The following TSNARE1 variants were observed in gnomAD, a reference collection of about 807,000 sequenced individuals.
TSNARE1 encodes the protein t-SNARE domain containing 1.
A neutral mutation model predicts 62.0 loss-of-function variants in TSNARE1; 49 were observed. That is an observed-to-expected ratio of 0.79 (90% CI 0.63 to 1.00). The LOEUF (loss-of-function observed/expected upper bound fraction) is 1.00, where lower values mean the gene tolerates loss of function less well. Ranked by LOEUF, TSNARE1 falls within the 50% of genes least tolerant of loss-of-function variation. TSNARE1 has a pLI of 0.00. For synonymous variants in TSNARE1, 328 were observed against 294.4 expected (o/e 1.11, Z -1.17); for missense variants, 755 against 700.1 (o/e 1.08, Z -0.88).
chr8:142,372,737 C>G (rs1364246854), intron 1 of TSNARE1, among the ~76,000 whole-genome samples: 1 of 152,174 alleles, frequency 6.6e-6, no homozygotes, highest in Non-Finnish European at 1.5e-5. Flanking sequence ...AGAAGGCCAC[C>G]CCACCAGTGC....
chr8:142,315,082 A>T lies in TSNARE1; in HGVS notation c.995T>A (p.Leu332Gln), dbSNP rs748367548. The change falls in exon 8 of 14, where the codon CTG becomes CAG. Residue 332 changes from leucine (L) to glutamine (Q), a missense_variant. Coordinates refer to ENST00000524325, the MANE Select transcript of TSNARE1 (RefSeq NM_145003.5). ...GTCCAGCTGAGGACGCTCCTGCTGC[A>T]GACGCTCCTGCTGCAGAGAAGGTAC... ...LLRSSCPQER[L>Q]QQERPQLDRL... is the part of the protein sequence containing the mutation. 6.2e-7 allele frequency: 1 copy of T among 1,613,808 alleles called. No homozygotes were observed. Among genetic ancestry groups the T allele is most frequent in the Admixed American group, 1.7e-5 (1 of 59,996 alleles).
intron 11 of TSNARE1, 100 bp downstream of exon 11, chr8:142,284,313 G>C (rs566619063): frequency 1.1e-6 from 1 of 922,302 alleles, no homozygotes; most frequent in Non-Finnish European, 1.7e-6. Context: ...GCTCCTCTTA[G>C]AGGCCCCTTC....
chr8:142,270,967 G>C, intron 12 of TSNARE1: 1 of 985,524 alleles, frequency 1.0e-6, no homozygotes, highest in Non-Finnish European at 1.2e-6. Context: ...TCCTGGACTG[G>C]AGTTGTCCCG....
At chr8:142,321,588 C>A (rs1490269356) in intron 6 of TSNARE1, among the ~76,000 whole-genome samples, 1 of 152,036 alleles carries the variant, frequency 6.6e-6, no homozygotes, top group Non-Finnish European at 1.5e-5. Flanking sequence ...GGGAAAAAAA[C>A]CACACTTGCA....
intron 12 of TSNARE1, among the ~76,000 whole-genome samples, chr8:142,259,698 G>A (rs1291126041): frequency 1.3e-5 from 2 of 152,152 alleles, no homozygotes; most frequent in African/African-American, 4.8e-5. Flanking sequence ...GCCTCTTACA[G>A]GGCTGCCACC....
rs62513770 is a variant in TSNARE1 at position 142,319,873 on chromosome 8, C to T, written c.894-1239G>A. ...AGCCATAAGGTTACTACAGACTAGG[C>T]GGGAAGCGCGGGGACAGGAGCTTTC... On this transcript the variant is annotated intron_variant, in intron 6 of 13. Coordinates refer to ENST00000524325, the MANE Select transcript of TSNARE1 (RefSeq NM_145003.5). This position sits in a 1 kb window ranked among gnomAD's most constrained non-coding sequence, Gnocchi z 4.9. Among the ~76,000 whole-genome samples the T allele has an allele frequency of 0.016, 2,363 of 152,268 alleles. 33 individuals carry two copies. Among genetic ancestry groups the T allele is most frequent in the Non-Finnish European group, 0.024 (1,647 of 67,998 alleles).
At chr8:142,379,340 G>A (rs1836566323) in intron 1 of TSNARE1, among the ~76,000 whole-genome samples, 1 of 152,294 alleles carries the variant, frequency 6.6e-6, no homozygotes, top group Non-Finnish European at 1.5e-5. Context: ...CGCCCTCCCA[G>A]TGAGCAGCAG....
At chr8:142,380,740 A>C (rs1836679332) in intron 1 of TSNARE1, among the ~76,000 whole-genome samples, 1 of 152,170 alleles carries the variant, frequency 6.6e-6, no homozygotes, top group Non-Finnish European at 1.5e-5. Flanking sequence ...CTGCAAGGAG[A>C]AAACGCTCCA....
intron 11 of TSNARE1, chr8:142,277,819 C>T (rs868627150): frequency 3.8e-5 from 37 of 985,314 alleles, no homozygotes; most frequent in Middle Eastern, 1.0e-3. Context: ...GGTGAGCAAA[C>T]CTGAGTTCCT....
Position 142,344,175 on chromosome 8 carries a change from C to T in TSNARE1, c.536G>A (p.Arg179His), listed in dbSNP as rs142035138. The change falls in exon 4 of 14, where the codon CGC (arginine) becomes CAC (histidine). Residue 179 changes from arginine to histidine, a missense_variant. Arg to His is a conservative substitution (Grantham distance 29, BLOSUM62 0). Transcript: ENST00000524325. ...QAVNALGYCR[R>H]DVVDLKHKWR... ...CTTGTGCTTCAGGTCCACAACGTCG[C>T]GGCGACAGTAGCCCAGCGCATTCAC... 8.5e-5 allele frequency: 137 copies of T among 1,613,280 alleles called. No individual in the cohort carries two copies. The highest frequency in any genetic ancestry group is 1.1e-4 in the Non-Finnish European group (132 of 1,179,888).
intron 12 of TSNARE1, among the ~76,000 whole-genome samples, chr8:142,238,740 C>T (rs1052371843): frequency 6.7e-6 from 1 of 149,936 alleles, no homozygotes; most frequent in Non-Finnish European, 1.5e-5. Context: ...CCCCTGCACG[C>T]CCGCCCCTGC....
In TSNARE1 at chr8:142,347,786, C is replaced by T. The variant is rs1406320763; in HGVS notation, c.89-1894G>A. Reference sequence around the variant, plus strand: ...ATCCGCTCACCCAAGTCCAGAAGGACACGCCATCACCTCGCCACACTGCAT... The same window carrying T: ...ATCCGCTCACCCAAGTCCAGAAGGATACGCCATCACCTCGCCACACTGCAT... On this transcript the variant is annotated intron_variant, in intron 2 of 13. Transcript: ENST00000524325. Among the ~76,000 whole-genome samples the T allele has an allele frequency of 3.2e-3, 340 of 105,124 alleles. 1 individual carries two copies. The highest frequency in any genetic ancestry group is 0.012 in the African/African-American group (306 of 25,056). 69.0% of individuals were successfully genotyped at this position (105,124 alleles called of 152,430 possible).
intron 12 of TSNARE1, chr8:142,271,256 A>C: frequency 9.8e-7 from 1 of 1,025,640 alleles, no homozygotes; most frequent in Non-Finnish European, 1.2e-6. Flanking sequence ...TGCTTCCACC[A>C]GCCTCTCGAG....
intron 10 of TSNARE1, among the ~76,000 whole-genome samples, chr8:142,289,360 G>T (rs1448820328): frequency 6.6e-6 from 1 of 152,136 alleles, no homozygotes; most frequent in Non-Finnish European, 1.5e-5. Flanking sequence ...TCTCTGTATA[G>T]AAGGGAAAGG....
At chr8:142,380,034 C>T (rs1242867240) in intron 1 of TSNARE1, among the ~76,000 whole-genome samples, 7 of 152,196 alleles carry the variant, frequency 4.6e-5, no homozygotes, top group Non-Finnish European at 1.0e-4. Context: ...CGCACACTCC[C>T]CACTGCCAAA....
intron 10 of TSNARE1, among the ~76,000 whole-genome samples, chr8:142,289,481 CAACT>C (rs568977747): frequency 9.0e-4 from 137 of 152,328 alleles, no homozygotes; most frequent in African/African-American, 3.1e-3. Context: ...CTCACGGAAC[CAACT>C]GAGAGGGCTG....
intron 12 of TSNARE1, among the ~76,000 whole-genome samples, chr8:142,240,284 T>C (rs1162818466): frequency 6.6e-6 from 1 of 152,230 alleles, no homozygotes; most frequent in Non-Finnish European, 1.5e-5. Flanking sequence ...AAAGGTTCAC[T>C]TCACCAAGAT....
At chr8:142,359,673 G>A (rs1835013000) in intron 1 of TSNARE1, among the ~76,000 whole-genome samples, 1 of 152,198 alleles carries the variant, frequency 6.6e-6, no homozygotes, top group African/African-American at 2.4e-5. Context: ...TGCCTCACCT[G>A]CACCTGCTCA....
intron 2 of TSNARE1, among the ~76,000 whole-genome samples, chr8:142,348,319 C>T (rs1178208420): frequency 1.3e-5 from 2 of 152,172 alleles, no homozygotes; most frequent in Admixed American, 6.5e-5. Flanking sequence ...CCAGCTGTAA[C>T]ACATCGTCTC....
Sources: allele counts gnomAD v4.1 joint callset (sites outside exome capture counted in the v4.1 genomes callset), GRCh38; gene constraint gnomAD v4.1.1; non-coding constraint Gnocchi (gnomAD v3.1); transcripts MANE v1.5; gene names NCBI Gene and HGNC (gene_info 2026-07-23, HGNC 2026-07-21).